The following DENND1A variants were observed in gnomAD, a reference collection of about 807,000 sequenced individuals.
DENND1A encodes the protein DENN domain-containing protein 1A.
In DENND1A, 51 loss-of-function variants were observed where a neutral mutation model predicts 113.7. That is an observed-to-expected ratio of 0.45 (90% confidence interval 0.36 to 0.57). The LOEUF is 0.57. Ranked by LOEUF, DENND1A falls within the 20% of genes least tolerant of loss-of-function variation. The probability of loss-of-function intolerance (pLI) is 0.00; values close to 1 mark genes in which losing one functional copy is unlikely to be tolerated. For synonymous variants in DENND1A, 565 were observed against 570.8 expected, an observed-to-expected ratio of 0.99 and a Z score of 0.14; for missense variants, 1,258 against 1,395.9, an observed-to-expected ratio of 0.90 and a Z score of 1.57.
rs1848959403 is a variant in DENND1A, at chr9:123,885,665, TG to T, written c.18-6645del. ...AAAGAAGGGAGGTCTGCTCAGTTTT[TG>T]CTTCTGGGAGAATGAAGGCTGAGGG... On this transcript the variant is annotated intron_variant, in intron 1 of 23. Coordinates refer to ENST00000394215, the MANE Select transcript of DENND1A (RefSeq NM_001352964.2). Among the ~76,000 whole-genome samples, 3 of 152,394 alleles carry T rather than the reference TG, an allele frequency of 2.0e-5. No homozygotes were observed. The South Asian group carries it at 6.2e-4, about 32-fold the overall frequency.
At chr9:123,896,270 CCACTG>C (rs1255590266) in intron 1 of DENND1A, among the ~76,000 whole-genome samples, 1 of 152,028 alleles carries the variant, frequency 6.6e-6, no homozygotes, top group Non-Finnish European at 1.5e-5. Flanking sequence ...CAGGATACTG[CCACTG>C]CACTCCACCC....
At chr9:123,691,169 A>G (rs1326184983) in intron 5 of DENND1A, among the ~76,000 whole-genome samples, 1 of 152,194 alleles carries the variant, frequency 6.6e-6, no homozygotes, top group Non-Finnish European at 1.5e-5. Context: ...TCATTCATAC[A>G]AACATTTAGT....
chr9:123,896,334 A>C (rs667138), intron 1 of DENND1A, among the ~76,000 whole-genome samples: 41,853 of 150,464 alleles, frequency 0.28, 8,943 homozygotes, highest in African/African-American at 0.6. Flanking sequence ...AACAAACAAA[A>C]AAAAAAAACC....
intron 2 of DENND1A, among the ~76,000 whole-genome samples, chr9:123,873,214 G>A (rs1054236467): frequency 2.6e-5 from 4 of 152,190 alleles, no homozygotes; most frequent in African/African-American, 9.7e-5. Flanking sequence ...TTATTCACTG[G>A]TAACTAGTAA....
intron 5 of DENND1A, among the ~76,000 whole-genome samples, chr9:123,740,116 G>A (rs563834737): frequency 8.5e-5 from 13 of 152,130 alleles, no homozygotes; most frequent in South Asian, 2.1e-4. Flanking sequence ...GCAATCTTGC[G>A]CAACATGTTT....
At chr9:123,590,548 G>A (rs948503456) in intron 11 of DENND1A, among the ~76,000 whole-genome samples, 7 of 152,112 alleles carry the variant, frequency 4.6e-5, no homozygotes, top group African/African-American at 1.7e-4. Context: ...GGATTCAATG[G>A]GTTAATATTT....
intron 12 of DENND1A, among the ~76,000 whole-genome samples, chr9:123,570,985 C>A (rs2058326188): frequency 6.6e-6 from 1 of 152,138 alleles, no homozygotes; most frequent in Admixed American, 6.5e-5. Context: ...AAATCCATAG[C>A]TAGGGAACAA....
chr9:123,812,719 T>C (rs1836820875), intron 2 of DENND1A, among the ~76,000 whole-genome samples: 1 of 152,214 alleles, frequency 6.6e-6, no homozygotes, highest in Admixed American at 6.5e-5. Flanking sequence ...TCTTTTTAAA[T>C]GACTCTTAAC....
intron 9 of DENND1A, among the ~76,000 whole-genome samples, chr9:123,635,484 T>C (rs1233191282): frequency 6.6e-6 from 1 of 152,242 alleles, no homozygotes; most frequent in Non-Finnish European, 1.5e-5. Flanking sequence ...TATTCGAGTG[T>C]ATACCCTGTG....
In DENND1A at chr9:123,414,361, G is replaced by A. The variant is rs929446109; in HGVS notation, c.1489-2532C>T. ...CTGCCTCCAGCCTCTCCCCCTCCCA[G>A]TCCATCGCCTACATTTGTTTCCAGA... is the stretch of plus-strand genomic sequence containing the variant. On this transcript the variant is annotated intron_variant, in intron 19 of 23. Transcript: ENST00000394215. The A allele has an allele frequency of 2.1e-6, 3 of 1,421,488 alleles. No homozygotes were observed. In the East Asian group the frequency reaches 7.7e-5, roughly 36 times the overall value. The allele number at this position is 1,421,488 out of a possible 1,614,324, so 88.1% of individuals were successfully genotyped here. A position where few individuals can be genotyped will look rare whatever the true frequency, so the allele number is the denominator to read the frequency against.
chr9:123,921,420 A>G (rs1856229050), intron 1 of DENND1A, among the ~76,000 whole-genome samples: 1 of 152,140 alleles, frequency 6.6e-6, no homozygotes. Context: ...GGCTCCTCTC[A>G]CACCCCGGAG....
intron 21 of DENND1A, among the ~76,000 whole-genome samples, chr9:123,399,071 C>T (rs1564417702): frequency 6.6e-6 from 1 of 152,114 alleles, no homozygotes; most frequent in Non-Finnish European, 1.5e-5. Context: ...GCTGGGATTA[C>T]AGGTGTGAGC....
rs10655282 is a variant in DENND1A at position 123,464,994 on chromosome 9, CAAAAAAAAAAAA to C, written c.994-7109_994-7098del. Among the ~76,000 whole-genome samples, 595 of 70,584 alleles carry C rather than the reference CAAAAAAAAAAAA, an allele frequency of 8.4e-3. 4 individuals are homozygous for C. Among genetic ancestry groups the C allele is most frequent in the African/African-American group, 0.034 (563 of 16,700 alleles). 46.3% of individuals were successfully genotyped at this position (70,584 alleles called of 152,430 possible). A position where few individuals can be genotyped will look rare whatever the true frequency, so the allele number is the denominator to read the frequency against. On this transcript the variant is annotated intron_variant, in intron 13 of 23. Transcript: ENST00000394215. ...CAAAAACCCATTTCTACTAAAAATA[CAAAAAAAAAAAA>C]AAAAAAAAAAAAATTAGCCAGGCGT...
At chr9:123,870,003 C>CA (rs11430845) in intron 2 of DENND1A, among the ~76,000 whole-genome samples, 21,902 of 78,186 alleles carry the variant, frequency 0.28, 2,381 homozygotes, top group Middle Eastern at 0.32. Context: ...GACCCTGTCT[C>CA]AAAAAAAAAA....
intron 19 of DENND1A, among the ~76,000 whole-genome samples, chr9:123,437,370 C>T (rs1236724733): frequency 6.6e-6 from 1 of 152,184 alleles, no homozygotes; most frequent in African/African-American, 2.4e-5. Context: ...TCTTGCCAGC[C>T]CCCGCTGCAG....
At chr9:123,843,842 G>A (rs1477969372) in intron 2 of DENND1A, among the ~76,000 whole-genome samples, 3 of 152,124 alleles carry the variant, frequency 2.0e-5, no homozygotes, top group South Asian at 2.1e-4. Flanking sequence ...ACTCCTTGGA[G>A]ATTGTATCTT....
At chr9:123,890,448 T>TG (rs1305002447) in intron 1 of DENND1A, among the ~76,000 whole-genome samples, 1 of 152,220 alleles carries the variant, frequency 6.6e-6, no homozygotes, top group East Asian at 1.9e-4. Context: ...ATTGATGACT[T>TG]GCTTTTATGT....
chr9:123,395,644 C>T (rs769812474), intron 21 of DENND1A, among the ~76,000 whole-genome samples: 6 of 152,246 alleles, frequency 3.9e-5, no homozygotes, highest in Non-Finnish European at 5.9e-5. Context: ...GCTGCCCCTA[C>T]CCCCTGGGGC....
At chr9:123,795,764 C>G (rs905412279) in intron 2 of DENND1A, among the ~76,000 whole-genome samples, 2 of 152,158 alleles carry the variant, frequency 1.3e-5, no homozygotes, top group African/African-American at 2.4e-5. Context: ...CGTTCCAAAA[C>G]ACCTTCTCAC....
Sources: gnomAD v4.1 joint callset for allele counts (sites outside exome capture counted in the v4.1 genomes callset) on GRCh38, gnomAD v4.1.1 for gene constraint, MANE v1.5 for transcripts, NCBI Gene and HGNC (gene_info 2026-07-23, HGNC 2026-07-21) for gene names.